The following HECW1 variants were observed in gnomAD, a reference collection of about 807,000 sequenced individuals.
HECW1 encodes E3 ubiquitin-protein ligase HECW1.
HECW1 carries 61 observed loss-of-function variants against 182.3 expected under a neutral mutation model. The observed-to-expected ratio is 0.33, with a 90% CI of 0.27 to 0.41. The LOEUF (loss-of-function observed/expected upper bound fraction) is 0.41, where lower values mean the gene tolerates loss of function less well. HECW1 is among the 10% of genes least tolerant of loss of function. HECW1 has a pLI of 1.00. For synonymous variants in HECW1, 859 were observed against 832.6 expected (o/e 1.03, Z -0.55); for missense variants, 1,739 against 2,108.9 (o/e 0.82, Z 3.44).
chr7:43,414,212 A>C (rs1299047496), intron 8 of HECW1, among the ~76,000 whole-genome samples: 1 of 150,334 alleles, frequency 6.7e-6, no homozygotes, highest in Non-Finnish European at 1.5e-5. Flanking sequence ...ATTCTCTTTG[A>C]AGCAATTGTG....
intron 12 of HECW1, among the ~76,000 whole-genome samples, chr7:43,453,909 A>G (rs995400013): frequency 2.6e-5 from 4 of 152,188 alleles, no homozygotes; most frequent in Admixed American, 6.6e-5. Flanking sequence ...GTGAAAGTAA[A>G]TTCTTTACAA....
intron 8 of HECW1, among the ~76,000 whole-genome samples, chr7:43,428,209 C>T (rs950972922): frequency 6.6e-6 from 1 of 152,158 alleles, no homozygotes; most frequent in African/African-American, 2.4e-5. Flanking sequence ...TAACGTAATC[C>T]GTAGATTTTC....
chr7:43,528,111 G>A (rs559619101), intron 24 of HECW1, among the ~76,000 whole-genome samples: 23 of 152,286 alleles, frequency 1.5e-4, no homozygotes, highest in African/African-American at 5.1e-4. Context: ...GACCATGAAA[G>A]GCTGCTTGCC....
At chr7:43,325,776 G>C (rs1224463395) in intron 5 of HECW1, among the ~76,000 whole-genome samples, 1 of 152,164 alleles carries the variant, frequency 6.6e-6, no homozygotes, top group Non-Finnish European at 1.5e-5. Flanking sequence ...TCCCGGGTCA[G>C]TCTTAGGCTC....
At chr7:43,451,441 G>A (rs964980565) in intron 12 of HECW1, among the ~76,000 whole-genome samples, 1 of 151,984 alleles carries the variant, frequency 6.6e-6, no homozygotes, top group Non-Finnish European at 1.5e-5. Flanking sequence ...AGTTCTTAGG[G>A]GTTGCCAGGC....
At chr7:43,178,538 G>A (rs1298365419) in intron 2 of HECW1, among the ~76,000 whole-genome samples, 6 of 152,224 alleles carry the variant, frequency 3.9e-5, no homozygotes, top group Non-Finnish European at 8.8e-5. Context: ...ACAGCTTTCT[G>A]TAAAGCTGCT....
intron 2 of HECW1, among the ~76,000 whole-genome samples, chr7:43,210,206 T>C (rs1273132520): frequency 3.3e-5 from 5 of 152,118 alleles, no homozygotes; most frequent in African/African-American, 1.2e-4. Context: ...CCAAGGACTC[T>C]CTTAACTGGA....
chr7:43,271,297 C>T (rs538049852), intron 3 of HECW1, among the ~76,000 whole-genome samples: 10 of 152,198 alleles, frequency 6.6e-5, no homozygotes, highest in Middle Eastern at 3.4e-3. Flanking sequence ...CCTTTGAGAA[C>T]TGGAACAAGA....
At chr7:43,129,993 A>G (rs1786731275) in intron 2 of HECW1, among the ~76,000 whole-genome samples, 1 of 152,212 alleles carries the variant, frequency 6.6e-6, no homozygotes, top group African/African-American at 2.4e-5. Flanking sequence ...AATATTTTCA[A>G]TCTGCAGTTG....
chr7:43,384,547 C>T (rs1433795648), intron 6 of HECW1, among the ~76,000 whole-genome samples: 1 of 152,080 alleles, frequency 6.6e-6, no homozygotes, highest in African/African-American at 2.4e-5. Context: ...TACGTCTTTG[C>T]CTAAAACTTA....
chr7:43,371,165 G>C (rs1050699988), intron 6 of HECW1, among the ~76,000 whole-genome samples: 1 of 152,150 alleles, frequency 6.6e-6, no homozygotes, highest in African/African-American at 2.4e-5. Flanking sequence ...GGGATTACAG[G>C]CGTGAGCCAC....
intron 2 of HECW1, among the ~76,000 whole-genome samples, chr7:43,183,160 G>C (rs73690266): frequency 0.025 from 3,840 of 152,196 alleles, 163 homozygotes; most frequent in African/African-American, 0.088. Context: ...CTTTTGTGTA[G>C]GTACACATCT....
At position 43,361,057 on chromosome 7, in the gene HECW1, CGTGTGTGTGTGTGTGTGT is replaced by C. The variant is rs3032904; in HGVS notation, c.555+92_555+109del. 5.2e-5 allele frequency: 33 copies of C among 638,138 alleles called. No homozygotes were observed. The East Asian group carries it at 7.5e-4, about 14-fold the overall frequency. The allele number at this position is 638,138 out of a possible 1,614,324, so 39.5% of individuals were successfully genotyped here. ...CTTTCCTATTTTGTTCTTGTGCGTG[CGTGTGTGTGTGTGTGTGT>C]GTGTGTGTGTGTGTACGTGTACATA... On this transcript the variant is annotated intron_variant, in intron 6 of 29. Transcript: ENST00000395891.
intron 17 of HECW1, among the ~76,000 whole-genome samples, chr7:43,482,840 G>A (rs1408463125): frequency 2.0e-5 from 3 of 152,140 alleles, no homozygotes; most frequent in African/African-American, 7.2e-5. Context: ...GGGAGGTAGA[G>A]GCTGAAGCTA....
intron 2 of HECW1, among the ~76,000 whole-genome samples, chr7:43,124,862 A>G (rs1306388328): frequency 6.6e-6 from 1 of 152,008 alleles, no homozygotes; most frequent in Admixed American, 6.5e-5. Flanking sequence ...TGATTTTACA[A>G]TACTCAGTGG....
chr7:43,393,187 G>C (rs535093963), intron 6 of HECW1, among the ~76,000 whole-genome samples: 1 of 152,226 alleles, frequency 6.6e-6, no homozygotes, highest in East Asian at 1.9e-4. Flanking sequence ...CAGAGAGAGG[G>C]GGGGCAACAG....
At chr7:43,147,205 T>C (rs1788814696) in intron 2 of HECW1, among the ~76,000 whole-genome samples, 1 of 152,038 alleles carries the variant, frequency 6.6e-6, no homozygotes, top group South Asian at 2.1e-4. Context: ...CTGATTTCTC[T>C]AATGGTAATA....
intron 5 of HECW1, among the ~76,000 whole-genome samples, chr7:43,337,849 G>A (rs35836167): frequency 0.13 from 19,085 of 152,224 alleles, 1,645 homozygotes; most frequent in Non-Finnish European, 0.19. Flanking sequence ...TGCTGTGAAG[G>A]CTGCATTTGC....
intron 19 of HECW1, among the ~76,000 whole-genome samples, chr7:43,499,297 T>A (rs949257522): frequency 8.6e-5 from 13 of 151,792 alleles, no homozygotes; most frequent in East Asian, 3.9e-4. Flanking sequence ...AAATAAAAAA[T>A]TTTTTAAAGA....
Sources: allele counts gnomAD v4.1 joint callset (sites outside exome capture counted in the v4.1 genomes callset), GRCh38; gene constraint gnomAD v4.1.1; transcripts MANE v1.5; gene names NCBI Gene and HGNC (gene_info 2026-07-23, HGNC 2026-07-21).